NELL1: variants seen among roughly 807,000 people sequenced by gnomAD.
NELL1 encodes neural EGFL like 1.
In NELL1, 76 loss-of-function variants were observed where a neutral mutation model predicts 107.4. The ratio of observed to expected loss-of-function variants is 0.71; its 90% confidence interval spans 0.59 to 0.86. The LOEUF (loss-of-function observed/expected upper bound fraction) is 0.86. Among genes scored for constraint, NELL1 ranks in the 40% least tolerant of loss-of-function variants. The pLI is 0.00. For synonymous variants in NELL1, 353 were observed against 341.2 expected, an observed-to-expected ratio of 1.03 and a Z score of -0.38; for missense variants, 1,024 against 1,005.5, an observed-to-expected ratio of 1.02 and a Z score of -0.25.
At chr11:20,865,663 C>T (rs1490270016) in intron 4 of NELL1, among the ~76,000 whole-genome samples, 1 of 152,136 alleles carries the variant, frequency 6.6e-6, no homozygotes, top group Non-Finnish European at 1.5e-5. Context: ...TGGCTGTGAC[C>T]TTTGACTGAA....
chr11:21,293,611 A>G (rs1311666255), intron 14 of NELL1, among the ~76,000 whole-genome samples: 3 of 152,110 alleles, frequency 2.0e-5, no homozygotes, highest in African/African-American at 4.8e-5. Context: ...AAGTCATTCT[A>G]CTATAAAGAC....
rs1048492359 is a variant in NELL1 at position 21,368,330 on chromosome 11, T to C, written c.1550-2523T>C. ...ATAGCTCTTCATCCCTATCCTTTAA[T>C]GCGACATGTGCAATTTAGGCATTGG... On this transcript the variant is annotated intron_variant, in intron 14 of 19. Coordinates refer to ENST00000357134, the MANE Select transcript of NELL1 (RefSeq NM_006157.5). Among the ~76,000 whole-genome samples the C allele has an allele frequency of 5.3e-5, 8 of 150,104 alleles. No individual in the cohort carries two copies. In the South Asian group the frequency reaches 1.7e-3, roughly 32 times the overall value.
intron 12 of NELL1, among the ~76,000 whole-genome samples, chr11:20,980,851 C>T (rs1851735718): frequency 6.6e-6 from 1 of 152,162 alleles, no homozygotes; most frequent in Non-Finnish European, 1.5e-5. Context: ...AATGTGTTTG[C>T]CATGGGACTT....
At chr11:20,916,258 C>T (rs1214194497) in intron 5 of NELL1, among the ~76,000 whole-genome samples, 3 of 151,708 alleles carry the variant, frequency 2.0e-5, no homozygotes, top group Non-Finnish European at 2.9e-5. Context: ...AACATACACA[C>T]GCAGGTACCA....
intron 15 of NELL1, among the ~76,000 whole-genome samples, chr11:21,416,986 G>A (rs1291030661): frequency 6.6e-6 from 1 of 151,948 alleles, no homozygotes; most frequent in Non-Finnish European, 1.5e-5. Context: ...AAAACTGGAG[G>A]AGTACAAAAT....
chr11:21,226,188 C>G (rs761231647), intron 13 of NELL1, among the ~76,000 whole-genome samples: 2 of 152,134 alleles, frequency 1.3e-5, no homozygotes, highest in African/African-American at 4.8e-5. Context: ...TTGGGCATGA[C>G]TAAAGAAAAT....
chr11:21,505,200 A>C (rs1453543385), intron 15 of NELL1, among the ~76,000 whole-genome samples: 1 of 152,176 alleles, frequency 6.6e-6, no homozygotes, highest in Non-Finnish European at 1.5e-5. Context: ...AGGTCTCAGA[A>C]TGTTCCCAAG....
At chr11:21,083,255 C>T (rs534103179) in intron 12 of NELL1, among the ~76,000 whole-genome samples, 18 of 152,128 alleles carry the variant, frequency 1.2e-4, no homozygotes, top group African/African-American at 3.6e-4. Context: ...AAAGATAGCC[C>T]GTAGCAGATT....
intron 11 of NELL1, among the ~76,000 whole-genome samples, chr11:20,955,560 A>G (rs956697967): frequency 1.3e-5 from 2 of 152,212 alleles, no homozygotes; most frequent in Admixed American, 1.3e-4. Context: ...AACTTTAGTC[A>G]TGATTGTTGA....
At chr11:20,959,112 A>G (rs1851237904) in intron 11 of NELL1, among the ~76,000 whole-genome samples, 1 of 152,224 alleles carries the variant, frequency 6.6e-6, no homozygotes, top group African/African-American at 2.4e-5. Flanking sequence ...CCCATAGCTA[A>G]AGGCATTCAC....
At chr11:21,172,642 T>C (rs1292828907) in intron 13 of NELL1, among the ~76,000 whole-genome samples, 2 of 151,830 alleles carry the variant, frequency 1.3e-5, no homozygotes, top group East Asian at 3.9e-4. Context: ...TATTTTTTTT[T>C]CTCTAGTCTC....
At chr11:21,482,731 G>A in intron 15 of NELL1, among the ~76,000 whole-genome samples, 1 of 150,380 alleles carries the variant, frequency 6.6e-6, no homozygotes, top group East Asian at 2.0e-4. Flanking sequence ...GGCCGTATAT[G>A]AGAATTTCCT....
At chr11:20,675,253 C>T (rs1036060112) in intron 1 of NELL1, among the ~76,000 whole-genome samples, 2 of 152,130 alleles carry the variant, frequency 1.3e-5, no homozygotes, top group Non-Finnish European at 2.9e-5. Flanking sequence ...GAGGTTTACT[C>T]CCATTGTAGT....
intron 2 of NELL1, among the ~76,000 whole-genome samples, chr11:20,743,864 G>C (rs376391846): frequency 3.9e-5 from 6 of 152,070 alleles, no homozygotes; most frequent in African/African-American, 1.4e-4. Flanking sequence ...TCTCAAACAT[G>C]GTATGCCAAA....
intron 2 of NELL1, among the ~76,000 whole-genome samples, chr11:20,777,581 A>C (rs941525916): frequency 6.6e-6 from 1 of 152,218 alleles, no homozygotes; most frequent in African/African-American, 2.4e-5. Flanking sequence ...GATGGTTGGC[A>C]GTTCTGAATT....
intron 15 of NELL1, among the ~76,000 whole-genome samples, chr11:21,445,283 T>C (rs1312990866): frequency 6.6e-6 from 1 of 151,956 alleles, no homozygotes; most frequent in Non-Finnish European, 1.5e-5. Context: ...TTTTTTTTGT[T>C]TGTTTTGTTT....
chr11:20,733,046 C>T (rs994410755), intron 2 of NELL1, among the ~76,000 whole-genome samples: 3 of 152,022 alleles, frequency 2.0e-5, no homozygotes, highest in East Asian at 1.9e-4. Flanking sequence ...TCAATTTGTT[C>T]GATTGTAAAA....
chr11:20,880,355 T>A (rs1652234), intron 4 of NELL1, among the ~76,000 whole-genome samples: 1 of 152,212 alleles, frequency 6.6e-6, no homozygotes, highest in African/African-American at 2.4e-5. Flanking sequence ...TTACACAATG[T>A]CAGCACAGAC....
At chr11:20,771,827 C>A (rs1357022631) in intron 2 of NELL1, among the ~76,000 whole-genome samples, 3 of 152,168 alleles carry the variant, frequency 2.0e-5, no homozygotes, top group Non-Finnish European at 4.4e-5. Context: ...GCTGTTCACC[C>A]TAGTAATTGC....
Sources: allele counts gnomAD v4.1 joint callset (sites outside exome capture counted in the v4.1 genomes callset), GRCh38; gene constraint gnomAD v4.1.1; transcripts MANE v1.5; gene names NCBI Gene and HGNC (gene_info 2026-07-23, HGNC 2026-07-21).